Variants in FHIT observed in about 807,000 individuals in gnomAD.
The protein encoded by FHIT is bis(5'-adenosyl)-triphosphatase.
In FHIT, 19 loss-of-function variants were observed where a neutral mutation model predicts 17.9. The observed-to-expected ratio is 1.06, with a 90% confidence interval of 0.74 to 1.56. FHIT has a LOEUF of 1.56. Among genes scored for constraint, FHIT ranks in the 40% most tolerant of loss-of-function variants. FHIT has a pLI of 0.00. For missense variants in FHIT, 248 were observed against 189.2 expected (o/e 1.31, Z -1.82); for synonymous variants, 81 against 69.7 (o/e 1.16, Z -0.81).
chr3:61,227,660 T>C (rs1464968177), intron 1 of FHIT, among the ~76,000 whole-genome samples: 1 of 152,180 alleles, frequency 6.6e-6, no homozygotes, highest in Non-Finnish European at 1.5e-5. Flanking sequence ...TAATATTTGG[T>C]CATGAAAATT....
intron 4 of FHIT, among the ~76,000 whole-genome samples, chr3:60,548,365 A>G (rs954286466): frequency 2.0e-5 from 3 of 152,154 alleles, no homozygotes; most frequent in African/African-American, 7.2e-5. Context: ...TGTCATTTTC[A>G]TATTATTTCA....
Position 60,819,394 on chromosome 3 carries a change from A to G in FHIT, c.-18+2525T>C, listed in dbSNP as rs73836159. ...TCTTAGACTGGTGGCATTTAATCTC[A>G]AAGCAATGAGGCTTATACAGAATCA... On this transcript the variant is annotated intron_variant, in intron 4 of 9. Coordinates refer to ENST00000492590, the MANE Select transcript of FHIT (RefSeq NM_002012.4). 1.6e-3 allele frequency among the ~76,000 whole-genome samples: 238 copies of G among 152,286 alleles called. 2 individuals are homozygous for G. The highest frequency in any genetic ancestry group is 5.6e-3 in the African/African-American group (231 of 41,574).
At chr3:61,207,416 C>G (rs934939458) in intron 1 of FHIT, among the ~76,000 whole-genome samples, 2 of 152,144 alleles carry the variant, frequency 1.3e-5, no homozygotes, top group African/African-American at 2.4e-5. Context: ...CCTTGTACCT[C>G]TGGTAGAATT....
In FHIT at chr3:59,910,584, G is replaced by A. The variant is rs1250443559; in HGVS notation, c.348+11762C>T. ...GGCTAGGATGGCTTATTCCTAGATG[G>A]GTAGGTCTTGAGTTATTAGGTATGT... On this transcript the variant is annotated intron_variant, in intron 8 of 9. Transcript: ENST00000492590. Among the ~76,000 whole-genome samples the A allele has an allele frequency of 2.0e-5, 3 of 152,210 alleles. No homozygotes were observed. The East Asian group carries it at 5.8e-4, about 29-fold the overall frequency.
intron 8 of FHIT, 57 bp downstream of exon 8, chr3:59,922,289 G>T: frequency 7.4e-7 from 1 of 1,353,900 alleles, no homozygotes. Context: ...TTAGGTTGAT[G>T]TCATCCCACC....
At chr3:59,905,763 C>T (rs1261955875) in intron 8 of FHIT, among the ~76,000 whole-genome samples, 2 of 152,118 alleles carry the variant, frequency 1.3e-5, no homozygotes, top group Admixed American at 6.5e-5. Flanking sequence ...ACGTAACTTC[C>T]TCCTGTGACA....
chr3:59,998,934 C>T (rs919389596), intron 7 of FHIT, among the ~76,000 whole-genome samples: 3 of 152,124 alleles, frequency 2.0e-5, no homozygotes, highest in African/African-American at 7.2e-5. Flanking sequence ...TGTCACATTC[C>T]TAAAACACAA....
intron 4 of FHIT, among the ~76,000 whole-genome samples, chr3:60,708,181 G>A (rs1201763011): frequency 1.2e-4 from 18 of 152,046 alleles, no homozygotes; most frequent in African/African-American, 3.4e-4. Flanking sequence ...ATCAGCAAAC[G>A]GATTCCTAAG....
chr3:61,010,176 CA>C (rs1302249245), intron 3 of FHIT, among the ~76,000 whole-genome samples: 1 of 149,902 alleles, frequency 6.7e-6, no homozygotes, highest in African/African-American at 2.5e-5. Flanking sequence ...TACTTGATGA[CA>C]AAGCATTCCT....
intron 8 of FHIT, among the ~76,000 whole-genome samples, chr3:59,893,742 G>T (rs991802759): frequency 1.3e-5 from 2 of 152,186 alleles, no homozygotes; most frequent in African/African-American, 2.4e-5. Context: ...TCAGATTTAC[G>T]TGATATTAAC....
chr3:60,027,045 G>A (rs1238428251), intron 5 of FHIT, among the ~76,000 whole-genome samples: 1 of 151,364 alleles, frequency 6.6e-6, no homozygotes, highest in African/African-American at 2.4e-5. Flanking sequence ...CTTGCAGTGA[G>A]CCAAGATAAC....
chr3:60,605,624 C>T (rs1167993593), intron 4 of FHIT, among the ~76,000 whole-genome samples: 1 of 152,208 alleles, frequency 6.6e-6, no homozygotes. Flanking sequence ...GCTAAAACTA[C>T]AGCAATTAAA....
intron 4 of FHIT, among the ~76,000 whole-genome samples, chr3:60,755,647 TAAC>T (rs1418505425): frequency 2.0e-5 from 3 of 152,200 alleles, no homozygotes; most frequent in Admixed American, 2.0e-4. Context: ...AAGTTATAGG[TAAC>T]AAAAATAAAG....
At chr3:60,525,804 G>A (rs1222939853) in intron 5 of FHIT, among the ~76,000 whole-genome samples, 1 of 152,164 alleles carries the variant, frequency 6.6e-6, no homozygotes, top group African/African-American at 2.4e-5. Flanking sequence ...GTATCAGGTT[G>A]CCTGTCAACA....
chr3:60,878,493 C>CTT (rs138715544), intron 3 of FHIT, among the ~76,000 whole-genome samples: 1 of 151,188 alleles, frequency 6.6e-6, no homozygotes, highest in Admixed American at 6.6e-5. Context: ...TACCATACCC[C>CTT]TTTTTTTTTA....
At chr3:60,121,283 G>A (rs75188455) in intron 5 of FHIT, among the ~76,000 whole-genome samples, 4,128 of 152,022 alleles carry the variant, frequency 0.027, 198 homozygotes, top group African/African-American at 0.095. Flanking sequence ...ATATATAATC[G>A]ATAATATGAC....
chr3:60,631,802 AT>A, intron 4 of FHIT, among the ~76,000 whole-genome samples: 1 of 152,258 alleles, frequency 6.6e-6, no homozygotes, highest in South Asian at 2.1e-4. Flanking sequence ...TCTTAATGCT[AT>A]TTTAAAATCC....
intron 3 of FHIT, among the ~76,000 whole-genome samples, chr3:60,878,722 G>A (rs1459475015): frequency 6.6e-6 from 1 of 151,756 alleles, no homozygotes; most frequent in African/African-American, 2.4e-5. Context: ...TCCCACCTAT[G>A]AGTGAGAACA....
chr3:60,251,445 A>T (rs1415043613), intron 5 of FHIT, among the ~76,000 whole-genome samples: 1 of 152,234 alleles, frequency 6.6e-6, no homozygotes, highest in Admixed American at 6.5e-5. Flanking sequence ...ACAAAAGAAG[A>T]GGGAAAAATA....
Sources: allele counts gnomAD v4.1 joint callset (sites outside exome capture counted in the v4.1 genomes callset), GRCh38; gene constraint gnomAD v4.1.1; transcripts MANE v1.5; gene names NCBI Gene and HGNC (gene_info 2026-07-23, HGNC 2026-07-21).